The following CLGN variants were observed in gnomAD, a reference collection of about 807,000 sequenced individuals.
CLGN encodes the protein testis tissue sperm-binding protein Li 79P.
Under a neutral mutation model 79.1 loss-of-function variants are expected in CLGN, and 62 were observed. That is an observed-to-expected ratio of 0.78 (90% CI 0.64 to 0.97). The LOEUF (loss-of-function observed/expected upper bound fraction) is 0.97, where lower values mean the gene tolerates loss of function less well. Ranked by LOEUF, CLGN falls within the 50% of genes least tolerant of loss-of-function variation. CLGN has a pLI of 0.00. For synonymous variants in CLGN, 225 were observed against 224.7 expected (o/e 1.00, Z -0.01); for missense variants, 647 against 715.5 (o/e 0.90, Z 1.09).
At chr4:140,407,320 C>T (rs909220708) in intron 4 of CLGN, among the ~76,000 whole-genome samples, 5 of 152,016 alleles carry the variant, frequency 3.3e-5, no homozygotes, top group African/African-American at 1.2e-4. Context: ...TCTGGAAGTC[C>T]TAGCCAGCGC....
chr4:140,395,176 C>T (rs369838057), intron 10 of CLGN, among the ~76,000 whole-genome samples: 23 of 147,316 alleles, frequency 1.6e-4, no homozygotes, highest in Non-Finnish European at 9.0e-5. Context: ...TGTTTTGAGT[C>T]TTGCTGTGTC....
chr4:140,403,291 A>G (rs1729032347), intron 5 of CLGN, among the ~76,000 whole-genome samples: 1 of 152,222 alleles, frequency 6.6e-6, no homozygotes, highest in African/African-American at 2.4e-5. Flanking sequence ...ATATGCAGAC[A>G]TGGCCCATAC....
Position 140,410,560 on chromosome 4 carries a change from AC to A in CLGN, c.210del (p.Arg70SerfsTer31). ...TCTTGAATGAATACTCACCCAGCCA[AC>A]CTTCCACTATCAAAAGTTTCTGCAA... ...VYFAETFDSG[R>X]LAGWVLSKAK... On this transcript the variant is annotated frameshift_variant, in exon 3 of 15. Coordinates refer to ENST00000325617, the MANE Select transcript of CLGN (RefSeq NM_004362.3). LOFTEE classifies it high-confidence loss of function. 6.3e-7 allele frequency: 1 copy of A among 1,598,192 alleles called. No individual in the cohort carries two copies. The highest frequency in any genetic ancestry group is 2.2e-5 in the East Asian group (1 of 44,646).
chr4:140,392,610 T>C lies in CLGN; in HGVS notation c.1467A>G (p.Ser489=). The part of the protein sequence containing the change: ...TAGVPIALIT[S]FCWPRKVKKK... ...CCTTTACTTTTCTTGGCCAACAAAA[T>C]GAAGTAATTAATGCTATTGGCACTC... Residue 489 remains serine (S), a synonymous_variant, in exon 12 of 15, where the codon TCA becomes TCG. Transcript: ENST00000325617. The C allele has an allele frequency of 6.2e-7, 1 of 1,600,022 alleles. No homozygotes were observed. The highest frequency in any genetic ancestry group is 1.3e-5 in the African/African-American group (1 of 74,246).
At position 140,406,048 on chromosome 4, in the gene CLGN, C is replaced by G. The variant is rs143759343; in HGVS notation, c.313G>C (p.Val105Leu). ...WEIEELKENQ[V>L]PGDRGLVLKS... ...AATACCAGTCCTCTGTCACCAGGTA[C>G]CTGGTTTTCTTTCAACTCTTCAATT... The change falls in exon 5 of 15, where the codon GTA (valine) becomes CTA (leucine). Residue 105 changes from valine to leucine, a missense_variant. Transcript: ENST00000325617. 12 of 1,612,826 alleles carry G rather than the reference C, an allele frequency of 7.4e-6. No individual in the cohort carries two copies. The highest frequency in any genetic ancestry group is 4.4e-5 in the South Asian group (4 of 90,752).
At chr4:140,395,751 A>T in intron 10 of CLGN, 68 bp downstream of exon 10, 1 of 1,269,242 alleles carries the variant, frequency 7.9e-7, no homozygotes, top group Non-Finnish European at 1.0e-6. Context: ...ATAGGTAATT[A>T]GATATTTAAA....
intron 5 of CLGN, among the ~76,000 whole-genome samples, chr4:140,403,354 G>C (rs145690289): frequency 1.3e-5 from 2 of 152,172 alleles, no homozygotes; most frequent in East Asian, 3.9e-4. Context: ...CCCAATGAGG[G>C]GCAAATACAT....
intron 2 of CLGN, among the ~76,000 whole-genome samples, chr4:140,411,703 G>A (rs781367835): frequency 4.6e-5 from 7 of 151,960 alleles, no homozygotes; most frequent in Non-Finnish European, 8.8e-5. Context: ...AAAATTCCAC[G>A]TAATTACTGA....
intron 1 of CLGN, among the ~76,000 whole-genome samples, chr4:140,418,482 C>T (rs1729391589): frequency 6.8e-6 from 1 of 146,320 alleles, no homozygotes; most frequent in African/African-American, 2.6e-5. Flanking sequence ...CCAGAATCTA[C>T]AATGAACTCA....
In CLGN at chr4:140,400,382, G is replaced by C. The variant is rs1728976749; in HGVS notation, c.669C>G (p.Asp223Glu). 1.2e-6 allele frequency: 2 copies of C among 1,611,364 alleles called. No individual in the cohort carries two copies. Among genetic ancestry groups the C allele is most frequent in the East Asian group, 2.2e-5 (1 of 44,772 alleles). ...CAAGGGTATAAAGATGAGTCTTCCTGTCTGTAAAGAACTTTTTAAGGTCTA... is the reference window on the plus strand; with the variant it reads ...CAAGGGTATAAAGATGAGTCTTCCTCTCTGTAAAGAACTTTTTAAGGTCTA... ...PDVDLKKFFTDRKTHLYTLVM... is the reference protein window; with the variant it reads ...PDVDLKKFFTERKTHLYTLVM... Residue 223 changes from aspartate (D) to glutamate (E), a missense_variant, in exon 7 of 15, where the codon GAC (aspartate) becomes GAG (glutamate). By Grantham distance (45) the Asp-to-Glu change is conservative. Transcript: ENST00000325617.
At chr4:140,401,212 A>G (rs542985691) in intron 6 of CLGN, among the ~76,000 whole-genome samples, 4 of 152,310 alleles carry the variant, frequency 2.6e-5, no homozygotes, top group African/African-American at 9.6e-5. Context: ...GATTAAGTGA[A>G]TTAATCAGAT....
chr4:140,416,982 C>T lies in CLGN; in HGVS notation c.-9-3895G>A, dbSNP rs201173516. Among the ~76,000 whole-genome samples, 6 of 152,240 alleles carry T rather than the reference C, an allele frequency of 3.9e-5. No individual in the cohort carries two copies. In the East Asian group the frequency reaches 1.2e-3, roughly 29 times the overall value. On this transcript the variant is annotated intron_variant, in intron 1 of 14. Coordinates refer to ENST00000325617, the MANE Select transcript of CLGN (RefSeq NM_004362.3). Reference sequence around the variant, plus strand: ...TACTGCCAAACTGAATCCAGCAGCACATCAAAAAGCTTATCCACCATGATG... The same window carrying T: ...TACTGCCAAACTGAATCCAGCAGCATATCAAAAAGCTTATCCACCATGATG...
At chr4:140,411,411 T>C (rs1729208831) in intron 2 of CLGN, among the ~76,000 whole-genome samples, 1 of 151,942 alleles carries the variant, frequency 6.6e-6, no homozygotes, top group South Asian at 2.1e-4. Context: ...TTTAAAAGAG[T>C]AAAGACTGAT....
At chr4:140,414,032 C>T (rs1729271060) in intron 1 of CLGN, among the ~76,000 whole-genome samples, 1 of 152,256 alleles carries the variant, frequency 6.6e-6, no homozygotes, top group South Asian at 2.1e-4. Context: ...ACTGCCTCCT[C>T]AAGTGGGTCC....
intron 14 of CLGN, among the ~76,000 whole-genome samples, chr4:140,390,071 T>C (rs1400868081): frequency 1.3e-5 from 2 of 151,174 alleles, no homozygotes; most frequent in Middle Eastern, 6.3e-3. Flanking sequence ...TCTCATTCCA[T>C]AATAACTTAC....
At chr4:140,409,298 G>A (rs914074042) in intron 4 of CLGN, among the ~76,000 whole-genome samples, 5 of 151,926 alleles carry the variant, frequency 3.3e-5, no homozygotes, top group African/African-American at 4.8e-5. Flanking sequence ...AGTCCTATTA[G>A]GGAAGACAAT....
chr4:140,410,080 G>A (rs1729182300), intron 3 of CLGN, among the ~76,000 whole-genome samples, 185 bp from the exon 4 acceptor site: 1 of 151,924 alleles, frequency 6.6e-6, no homozygotes, highest in Admixed American at 6.6e-5. Flanking sequence ...GAGTTAAACC[G>A]AATTTGGAAT....
At chr4:140,391,294 G>A (rs1048118946) in intron 13 of CLGN, among the ~76,000 whole-genome samples, 7 of 151,580 alleles carry the variant, frequency 4.6e-5, no homozygotes, top group African/African-American at 7.3e-5. Flanking sequence ...TTCCAATGTG[G>A]GACTACGTGT....
chr4:140,395,282 G>T lies in CLGN; in HGVS notation c.1149+537C>A, dbSNP rs555582803. Among the ~76,000 whole-genome samples the T allele has an allele frequency of 2.6e-5, 4 of 152,186 alleles. No individual in the cohort carries two copies. In the East Asian group the frequency reaches 7.7e-4, roughly 29 times the overall value. On this transcript the variant is annotated intron_variant, in intron 10 of 14. Transcript: ENST00000325617. ...CTGCCTCAGCCTCCTGAGTAGCTGG[G>T]ACTACAGGCGTGCGCCACCACATCT...
Sources: allele counts gnomAD v4.1 joint callset (sites outside exome capture counted in the v4.1 genomes callset), GRCh38; gene constraint gnomAD v4.1.1; transcripts MANE v1.5; gene names NCBI Gene and HGNC (gene_info 2026-07-23, HGNC 2026-07-21).